Variants in RORA observed in about 807,000 individuals in gnomAD.
RORA encodes the protein nuclear receptor ROR-alpha.
A neutral mutation model predicts 69.5 loss-of-function variants in RORA; 7 were observed. The observed-to-expected ratio is 0.10, with a 90% CI of 0.06 to 0.19. RORA has a LOEUF of 0.19. Among genes scored for constraint, RORA ranks in the 10% least tolerant of loss-of-function variants. RORA has a pLI of 1.00. For synonymous variants in RORA, 261 were observed against 240.8 expected (o/e 1.08, Z -0.78); for missense variants, 457 against 663.0 (o/e 0.69, Z 3.41).
chr15:61,221,296 C>A (rs1338279616), intron 1 of RORA, among the ~76,000 whole-genome samples: 5 of 152,180 alleles, frequency 3.3e-5, no homozygotes, highest in African/African-American at 9.7e-5. Flanking sequence ...TTCCTAACTG[C>A]ACAGTAGTTA....
chr15:60,692,259 A>G (rs1704702413), intron 1 of RORA, among the ~76,000 whole-genome samples: 2 of 152,184 alleles, frequency 1.3e-5, no homozygotes, highest in African/African-American at 4.8e-5. Flanking sequence ...TCTGTTTTAT[A>G]TTTGCATAAT....
chr15:60,642,765 T>A (rs1022785282), intron 2 of RORA, among the ~76,000 whole-genome samples: 4 of 152,168 alleles, frequency 2.6e-5, no homozygotes, highest in African/African-American at 9.7e-5. Context: ...ATGCCAGTAG[T>A]CCTTGCTACT....
chr15:60,639,498 A>G (rs930833681), intron 2 of RORA, among the ~76,000 whole-genome samples: 1 of 152,112 alleles, frequency 6.6e-6, no homozygotes, highest in Non-Finnish European at 1.5e-5. Context: ...CTTCCAGTGG[A>G]CAGCCCTGTG....
chr15:61,102,023 G>A (rs1468911052), intron 1 of RORA, among the ~76,000 whole-genome samples: 7 of 152,068 alleles, frequency 4.6e-5, no homozygotes, highest in African/African-American at 1.7e-4. Context: ...GCGGGGCTTT[G>A]GTTAAGAACA....
At chr15:60,750,565 C>T in intron 1 of RORA, among the ~76,000 whole-genome samples, 1 of 152,126 alleles carries the variant, frequency 6.6e-6, no homozygotes, top group Non-Finnish European at 1.5e-5. Context: ...CCAGGTATAG[C>T]AGCTGTTTTG....
At chr15:60,542,899 GCAC>G (rs1265226617) in intron 2 of RORA, among the ~76,000 whole-genome samples, 1 of 145,866 alleles carries the variant, frequency 6.9e-6, no homozygotes, top group Non-Finnish European at 1.5e-5. Flanking sequence ...TACACCACAC[GCAC>G]CACAGATGCA....
At chr15:61,104,734 C>T (rs76500729) in intron 1 of RORA, among the ~76,000 whole-genome samples, 4,163 of 152,240 alleles carry the variant, frequency 0.027, 85 homozygotes, top group Middle Eastern at 0.058. Context: ...ATATCCTGTT[C>T]CTTAGCATGG....
chr15:60,627,423 G>C (rs1002260684), intron 2 of RORA: 2 of 1,611,636 alleles, frequency 1.2e-6, no homozygotes, highest in Middle Eastern at 1.7e-4. Flanking sequence ...GCTGTGCTTT[G>C]CCCCAGTGTA....
At chr15:60,564,786 AT>A (rs1477048771) in intron 2 of RORA, among the ~76,000 whole-genome samples, 1 of 152,214 alleles carries the variant, frequency 6.6e-6, no homozygotes. Flanking sequence ...AACAGTGATT[AT>A]TCTAAGACAA....
At chr15:61,104,134 C>T (rs572833165) in intron 1 of RORA, among the ~76,000 whole-genome samples, 1 of 152,340 alleles carries the variant, frequency 6.6e-6, no homozygotes, top group East Asian at 1.9e-4. Flanking sequence ...TGTCATCTTC[C>T]TGTGCTTCCT....
intron 1 of RORA, among the ~76,000 whole-genome samples, chr15:60,907,425 C>G (rs1174276009): frequency 6.6e-6 from 1 of 152,224 alleles, no homozygotes; most frequent in Non-Finnish European, 1.5e-5. Context: ...CAGACACCAG[C>G]TGGGTGACCT....
chr15:61,212,001 CT>C lies in RORA; in HGVS notation c.166+17051del, dbSNP rs1313146228. 2.6e-5 allele frequency: 4 copies of C among 152,124 alleles called. No homozygotes were observed. In the East Asian group the frequency reaches 7.7e-4, roughly 29 times the overall value. 9.4% of individuals were successfully genotyped at this position (152,124 alleles called of 1,614,324 possible). A position where few individuals can be genotyped will look rare whatever the true frequency, so the allele number is the denominator to read the frequency against. Reference sequence around the variant, plus strand: ...CATTTCTTTTTCTCTTCCTGATCAACTTAAAAAAAAATTCTTTCACTTAGTT... The same window carrying C: ...CATTTCTTTTTCTCTTCCTGATCAACTAAAAAAAAATTCTTTCACTTAGTT... On this transcript the variant is annotated intron_variant, in intron 1 of 10. Coordinates refer to ENST00000335670, the MANE Select transcript of RORA (RefSeq NM_134261.3).
At chr15:61,176,091 G>A (rs1300452992) in intron 1 of RORA, 1 of 152,084 alleles carries the variant, frequency 6.6e-6, no homozygotes, top group Non-Finnish European at 1.5e-5. Flanking sequence ...GGAGTACATA[G>A]ACATTTATTT....
chr15:60,751,107 C>T (rs1197197604), intron 1 of RORA, among the ~76,000 whole-genome samples: 1 of 152,146 alleles, frequency 6.6e-6, no homozygotes, highest in African/African-American at 2.4e-5. Flanking sequence ...ACAGGGACAG[C>T]CCACAGTCAG....
chr15:60,858,383 G>A (rs1029035363), intron 1 of RORA, among the ~76,000 whole-genome samples: 2 of 152,142 alleles, frequency 1.3e-5, no homozygotes, highest in Non-Finnish European at 2.9e-5. Context: ...TAAGTGGCAG[G>A]GCCAAGACAG....
chr15:60,519,594 CA>C (rs1481471941), intron 3 of RORA, among the ~76,000 whole-genome samples: 1 of 152,168 alleles, frequency 6.6e-6, no homozygotes, highest in Non-Finnish European at 1.5e-5. Flanking sequence ...AATAAAGTAG[CA>C]AGAGCAATCT....
At chr15:60,671,067 G>GATATAT (rs10577286) in intron 2 of RORA, among the ~76,000 whole-genome samples, 17,123 of 120,968 alleles carry the variant, frequency 0.14, 1,716 homozygotes, top group Non-Finnish European at 0.2. Flanking sequence ...ATATCCCATT[G>GATATAT]ATATATATAT....
At chr15:61,108,426 T>C (rs1003994999) in intron 1 of RORA, among the ~76,000 whole-genome samples, 7 of 152,244 alleles carry the variant, frequency 4.6e-5, no homozygotes, top group African/African-American at 1.7e-4. Context: ...CAAACTGACC[T>C]GTGGGCTGAA....
chr15:61,066,074 G>A (rs942142499), intron 1 of RORA, among the ~76,000 whole-genome samples: 5 of 152,112 alleles, frequency 3.3e-5, no homozygotes, highest in South Asian at 4.1e-4. Context: ...TTACTAATGC[G>A]TCTAGTGGTT....
Sources: allele counts gnomAD v4.1 joint callset (sites outside exome capture counted in the v4.1 genomes callset), GRCh38; gene constraint gnomAD v4.1.1; transcripts MANE v1.5; gene names NCBI Gene and HGNC (gene_info 2026-07-23, HGNC 2026-07-21).